The following PDS5A variants were observed in gnomAD, a reference collection of about 807,000 sequenced individuals.
PDS5A encodes PDS5 cohesin associated factor A, also known as sister chromatid cohesion protein PDS5 homolog A.
In PDS5A, 42 loss-of-function variants were observed where a neutral mutation model predicts 167.1. The ratio of observed to expected loss-of-function variants is 0.25; its 90% confidence interval spans 0.20 to 0.33. PDS5A has a LOEUF of 0.33. PDS5A is among the 10% of genes least tolerant of loss of function. The probability of loss-of-function intolerance (pLI) is 1.00; values close to 1 mark genes in which losing one functional copy is unlikely to be tolerated. For missense variants in PDS5A, 1,033 were observed against 1,605.9 expected (o/e 0.64, Z 6.10); for synonymous variants, 553 against 554.6 (o/e 1.00, Z 0.04).
At chr4:39,884,380 C>G (rs1169835628) in intron 17 of PDS5A, among the ~76,000 whole-genome samples, 2 of 152,176 alleles carry the variant, frequency 1.3e-5, no homozygotes, top group Non-Finnish European at 2.9e-5. Flanking sequence ...TACCTAGTGG[C>G]TTTCTATTGA....
intron 2 of PDS5A, chr4:39,973,458 T>A: frequency 7.4e-7 from 1 of 1,351,074 alleles, no homozygotes; most frequent in Non-Finnish European, 1.1e-6. Context: ...GATACCAGGG[T>A]GTTAATATTT....
intron 16 of PDS5A, among the ~76,000 whole-genome samples, chr4:39,895,890 T>C (rs979203198): frequency 2.0e-5 from 3 of 151,736 alleles, no homozygotes; most frequent in African/African-American, 7.3e-5. Context: ...GCTAATTTTT[T>C]TTTTTTTGTA....
At chr4:39,931,480 T>TC (rs1726059932) in intron 2 of PDS5A, among the ~76,000 whole-genome samples, 1 of 152,162 alleles carries the variant, frequency 6.6e-6, no homozygotes, top group South Asian at 2.1e-4. Flanking sequence ...GCTGCAGTTA[T>TC]CTGAAGGCTT....
intron 30 of PDS5A, among the ~76,000 whole-genome samples, chr4:39,844,056 G>A (rs1717330252): frequency 6.6e-6 from 1 of 151,992 alleles, no homozygotes; most frequent in South Asian, 2.1e-4. Flanking sequence ...ATGCTGAAGC[G>A]AGAAGATCCC....
chr4:39,974,299 T>A, intron 2 of PDS5A: 1 of 535,310 alleles, frequency 1.9e-6, no homozygotes, highest in Non-Finnish European at 3.8e-6. Flanking sequence ...CTTCACAGGT[T>A]CCATGAGTCA....
At chr4:39,935,377 C>T (rs1028228952) in intron 2 of PDS5A, among the ~76,000 whole-genome samples, 2 of 152,194 alleles carry the variant, frequency 1.3e-5, no homozygotes, top group Non-Finnish European at 2.9e-5. Context: ...GGATTATAGG[C>T]GTGAGCCACC....
At chr4:39,969,721 C>T (rs1040639130) in intron 2 of PDS5A, among the ~76,000 whole-genome samples, 3 of 151,952 alleles carry the variant, frequency 2.0e-5, no homozygotes, top group African/African-American at 7.3e-5. Flanking sequence ...TTATCCTTTA[C>T]TTTCAAAAAT....
intron 6 of PDS5A, among the ~76,000 whole-genome samples, chr4:39,920,822 G>A (rs916992741): frequency 6.6e-6 from 1 of 152,234 alleles, no homozygotes; most frequent in African/African-American, 2.4e-5. Flanking sequence ...GTGCTCTGGA[G>A]AAGAGTAGAC....
intron 26 of PDS5A, among the ~76,000 whole-genome samples, chr4:39,860,227 G>C (rs933652691): frequency 1.3e-5 from 2 of 152,160 alleles, no homozygotes; most frequent in Non-Finnish European, 2.9e-5. Flanking sequence ...ACTTCGGAAG[G>C]CCCAGGCGGG....
At chr4:39,963,918 T>C (rs572671938) in intron 2 of PDS5A, among the ~76,000 whole-genome samples, 10 of 151,904 alleles carry the variant, frequency 6.6e-5, no homozygotes, top group Non-Finnish European at 1.0e-4. Context: ...TAGCTTTTTT[T>C]TCCCCCCCAG....
chr4:39,865,846 A>G (rs1288885268), intron 23 of PDS5A, among the ~76,000 whole-genome samples: 2 of 152,236 alleles, frequency 1.3e-5, no homozygotes, highest in Admixed American at 6.5e-5. Context: ...AAATTTTTAA[A>G]AAGGAATGCA....
chr4:39,842,907 T>TATATATATATATATATA (rs1560419555), intron 30 of PDS5A, among the ~76,000 whole-genome samples: 422 of 28,338 alleles, frequency 0.015, 11 homozygotes, highest in South Asian at 0.04. Flanking sequence ...CTTATCCTAT[T>TATATATATATATATATA]TTTATATATA....
At chr4:39,863,248 T>TC in intron 24 of PDS5A, 88 bp downstream of exon 24, 1 of 1,078,852 alleles carries the variant, frequency 9.3e-7, no homozygotes. Flanking sequence ...GTGCATATAT[T>TC]CACATTATAA....
At chr4:39,914,158 A>ATTTTTTTTTTT (rs1560478626) in intron 8 of PDS5A, among the ~76,000 whole-genome samples, 1 of 133,348 alleles carries the variant, frequency 7.5e-6, no homozygotes, top group Non-Finnish European at 1.6e-5. Flanking sequence ...TGATATACAA[A>ATTTTTTTTTTT]TTTGTTTTTT....
chr4:39,888,653 G>A (rs1721693845), intron 17 of PDS5A, among the ~76,000 whole-genome samples: 1 of 151,106 alleles, frequency 6.6e-6, no homozygotes, highest in Admixed American at 6.6e-5. Context: ...GTATGCAAAT[G>A]GAGCTCATTA....
intron 17 of PDS5A, among the ~76,000 whole-genome samples, chr4:39,888,165 G>T (rs919815206): frequency 1.4e-5 from 2 of 142,130 alleles, no homozygotes; most frequent in African/African-American, 5.2e-5. Flanking sequence ...AGAACTGCGT[G>T]AACCTGGGAG....
chr4:39,867,530 T>TA (rs1361512576), intron 22 of PDS5A, among the ~76,000 whole-genome samples: 10 of 130,404 alleles, frequency 7.7e-5, no homozygotes, highest in African/African-American at 2.9e-4. Context: ...GTGTCTATAC[T>TA]AAAAAACCCC....
intron 22 of PDS5A, chr4:39,868,614 C>T: frequency 2.2e-6 from 1 of 452,220 alleles, no homozygotes; most frequent in Non-Finnish European, 4.4e-6. Flanking sequence ...TAGGCGTGAG[C>T]CACCATGCCT....
chr4:39,917,854 C>T (rs775078548), intron 7 of PDS5A, among the ~76,000 whole-genome samples: 1 of 151,516 alleles, frequency 6.6e-6, no homozygotes, highest in Non-Finnish European at 1.5e-5. Flanking sequence ...GGATTACAGG[C>T]GTGACCCATT....
Sources: allele counts gnomAD v4.1 joint callset (sites outside exome capture counted in the v4.1 genomes callset), GRCh38; gene constraint gnomAD v4.1.1; transcripts MANE v1.5; gene names NCBI Gene and HGNC (gene_info 2026-07-23, HGNC 2026-07-21).